Variants in PDIA5 observed in about 807,000 individuals in gnomAD.
PDIA5 encodes the protein protein disulfide isomerase family A member 5.
PDIA5 carries 58 observed loss-of-function variants against 77.6 expected under a neutral mutation model. That is an observed-to-expected ratio of 0.75 (90% CI 0.61 to 0.93). The LOEUF (loss-of-function observed/expected upper bound fraction) is 0.93, where lower values mean the gene tolerates loss of function less well. Ranked by LOEUF, PDIA5 falls within the 40% of genes least tolerant of loss-of-function variation. The probability of loss-of-function intolerance (pLI) is 0.00; values close to 1 mark genes in which losing one functional copy is unlikely to be tolerated. For missense variants in PDIA5, 630 were observed against 647.7 expected, an observed-to-expected ratio of 0.97 and a Z score of 0.30; for synonymous variants, 250 against 252.1, an observed-to-expected ratio of 0.99 and a Z score of 0.08.
intron 14 of PDIA5, among the ~76,000 whole-genome samples, chr3:123,151,995 GCCTTCCTTCCTT>G (rs1174692027): frequency 0.018 from 1,149 of 65,440 alleles, 57 homozygotes; most frequent in African/African-American, 0.098. Context: ...CTGCCTTCCT[GCCTTCCTTCCTT>G]CCTTCCTTCC....
intron 15 of PDIA5, among the ~76,000 whole-genome samples, chr3:123,160,696 C>T (rs1936139536): frequency 6.6e-6 from 1 of 152,218 alleles, no homozygotes; most frequent in Admixed American, 6.5e-5. Context: ...GCTGACATTT[C>T]CTGACCATGA....
intron 10 of PDIA5, among the ~76,000 whole-genome samples, chr3:123,126,657 C>T (rs1560536756): frequency 6.6e-6 from 1 of 152,226 alleles, no homozygotes; most frequent in South Asian, 2.1e-4. Flanking sequence ...GCAGTAGTGA[C>T]CTCATCTTTC....
At position 123,077,952 on chromosome 3, in the gene PDIA5, G is replaced by A. The variant is rs141039238; in HGVS notation, c.42+10746G>A. On this transcript the variant is annotated intron_variant, in intron 1 of 16. Coordinates refer to ENST00000316218, the MANE Select transcript of PDIA5 (RefSeq NM_006810.4). ...AGCCTCCCGAGTAGCTGGGACTACAGGCACGTGCCACCATGCCCAGCTAAT... is the reference window on the plus strand; with the variant it reads ...AGCCTCCCGAGTAGCTGGGACTACAAGCACGTGCCACCATGCCCAGCTAAT... Among the ~76,000 whole-genome samples the A allele has an allele frequency of 5.5e-3, 837 of 152,022 alleles. 8 individuals are homozygous for A. Among genetic ancestry groups the A allele is most frequent in the African/African-American group, 0.019 (792 of 41,456 alleles).
intron 10 of PDIA5, 98 bp from the exon 11 acceptor site, chr3:123,130,382 C>T (rs1405312736): frequency 1.5e-5 from 21 of 1,363,182 alleles, no homozygotes; most frequent in East Asian, 7.0e-5. Flanking sequence ...TGGGCCGTCC[C>T]GAGCCCATGG....
chr3:123,090,705 G>A (rs546759621), intron 2 of PDIA5, among the ~76,000 whole-genome samples: 1 of 152,286 alleles, frequency 6.6e-6, no homozygotes, highest in Admixed American at 6.5e-5. Context: ...AATCATTATG[G>A]GAAGTTAGAG....
chr3:123,082,870 C>G (rs979227211), intron 1 of PDIA5, among the ~76,000 whole-genome samples: 3 of 152,060 alleles, frequency 2.0e-5, no homozygotes, highest in Non-Finnish European at 2.9e-5. Flanking sequence ...CTGAGGTCAT[C>G]CTGCTATAAA....
At chr3:123,068,004 G>C (rs552962966) in intron 1 of PDIA5, among the ~76,000 whole-genome samples, 3 of 152,260 alleles carry the variant, frequency 2.0e-5, no homozygotes, top group African/African-American at 7.2e-5. Context: ...TTGGTGGGGG[G>C]GACTCCAGGC....
chr3:123,105,358 T>C (rs995362089), intron 5 of PDIA5, among the ~76,000 whole-genome samples: 1 of 152,200 alleles, frequency 6.6e-6, no homozygotes, highest in African/African-American at 2.4e-5. Flanking sequence ...CTTTCTCACA[T>C]GGCCTGGTGG....
rs184161679 is a variant in PDIA5, at chr3:123,159,381, C to T, written c.1345-1940C>T. On this transcript the variant is annotated intron_variant, in intron 15 of 16. Transcript: ENST00000316218. ...AATAAAGTGCGTTAGAGGTGGGCTG[C>T]GGTTATCAGAAGTGCATAGGGGCCA... Among the ~76,000 whole-genome samples the T allele has an allele frequency of 1.0e-3, 155 of 152,184 alleles. 1 individual carries two copies. Among genetic ancestry groups the T allele is most frequent in the Non-Finnish European group, 1.3e-3 (91 of 68,008 alleles).
At chr3:123,151,341 C>T (rs1291631949) in intron 14 of PDIA5, among the ~76,000 whole-genome samples, 2 of 152,256 alleles carry the variant, frequency 1.3e-5, no homozygotes, top group Non-Finnish European at 2.9e-5. Flanking sequence ...CGGGAGCTGA[C>T]ATCTTCCCTC....
chr3:123,109,892 CTT>C (rs1934822041), intron 6 of PDIA5, among the ~76,000 whole-genome samples: 1 of 152,228 alleles, frequency 6.6e-6, no homozygotes, highest in Non-Finnish European at 1.5e-5. Flanking sequence ...AAACACTCCT[CTT>C]TATCGGTTTT....
At position 123,161,446 on chromosome 3, in the gene PDIA5, C is replaced by T. The variant is rs148193253; in HGVS notation, c.1470C>T (p.Ser490=). 15 of 1,613,578 alleles carry T rather than the reference C, an allele frequency of 9.3e-6. No homozygotes were observed. The highest frequency in any genetic ancestry group is 6.7e-5 in the African/African-American group (5 of 74,916). ...HYGKFAEKYD[S]DRTELGFTNY... ...GGAAGTTCGCAGAAAAGTATGACAG[C>T]GACCGCACAGTAAGTGGGGGAGAGG... The change falls in exon 16 of 17, where the codon AGC becomes AGT. Residue 490 remains serine (S), a synonymous_variant. Coordinates refer to ENST00000316218, the MANE Select transcript of PDIA5 (RefSeq NM_006810.4).
At chr3:123,132,363 C>T (rs1159968801) in intron 11 of PDIA5, among the ~76,000 whole-genome samples, 1 of 152,174 alleles carries the variant, frequency 6.6e-6, no homozygotes, top group Non-Finnish European at 1.5e-5. Flanking sequence ...CTCATTATTT[C>T]TTACAAGTGC....
intron 1 of PDIA5, among the ~76,000 whole-genome samples, chr3:123,072,740 C>T (rs1228749463): frequency 6.6e-6 from 1 of 152,126 alleles, no homozygotes; most frequent in African/African-American, 2.4e-5. Flanking sequence ...GGGTTTTGCC[C>T]CAGCTTTGTG....
rs78240821 is a variant in PDIA5 at position 123,160,692 on chromosome 3, A to G, written c.1345-629A>G. On this transcript the variant is annotated intron_variant, in intron 15 of 16. Transcript: ENST00000316218. ...AGAAGTGACTGTAATAGCAGCTGAC[A>G]TTTCCTGACCATGAATCTGGTGCCA... is the stretch of plus-strand genomic sequence containing the variant. Among the ~76,000 whole-genome samples, 1,192 of 152,284 alleles carry G rather than the reference A, an allele frequency of 7.8e-3. 7 individuals are homozygous for G. Among genetic ancestry groups the G allele is most frequent in the African/African-American group, 0.027 (1,124 of 41,542 alleles).
At chr3:123,100,582 C>T (rs566245678) in intron 3 of PDIA5, among the ~76,000 whole-genome samples, 3 of 152,304 alleles carry the variant, frequency 2.0e-5, no homozygotes, top group East Asian at 1.9e-4. Context: ...GTGGCTGCAG[C>T]GATGGCTAGA....
At chr3:123,118,896 G>T (rs992105155) in intron 8 of PDIA5, among the ~76,000 whole-genome samples, 2 of 152,204 alleles carry the variant, frequency 1.3e-5, no homozygotes, top group African/African-American at 4.8e-5. Context: ...CGGAAGCATA[G>T]TGGGAAGGAC....
Position 123,149,918 on chromosome 3 carries a change from G to A in PDIA5, c.1143-316G>A, listed in dbSNP as rs558581753. On this transcript the variant is annotated intron_variant, in intron 13 of 16. Coordinates refer to ENST00000316218, the MANE Select transcript of PDIA5 (RefSeq NM_006810.4). The stretch of plus-strand genomic sequence containing the variant: ...GGAGGGGCCTGGGAGTCCAAGCAGA[G>A]GTGCCTCTATGCTCTTGTCAAGGAG... Among the ~76,000 whole-genome samples, 56 of 152,248 alleles carry A rather than the reference G, an allele frequency of 3.7e-4. 1 individual carries two copies. In the Middle Eastern group the frequency reaches 0.02, roughly 55 times the overall value.
At chr3:123,100,029 C>T (rs1239825331) in intron 3 of PDIA5, among the ~76,000 whole-genome samples, 1 of 152,222 alleles carries the variant, frequency 6.6e-6, no homozygotes, top group Non-Finnish European at 1.5e-5. Flanking sequence ...CTGAGGGAGG[C>T]CATGCACATC....
Sources: allele counts gnomAD v4.1 joint callset (sites outside exome capture counted in the v4.1 genomes callset), GRCh38; gene constraint gnomAD v4.1.1; transcripts MANE v1.5; gene names NCBI Gene and HGNC (gene_info 2026-07-23, HGNC 2026-07-21).